Variants in CSMD3 observed in about 807,000 individuals in gnomAD.
CSMD3 encodes CUB and sushi domain-containing protein 3.
CSMD3 carries 177 observed loss-of-function variants against 435.2 expected under a neutral mutation model. The ratio of observed to expected loss-of-function variants is 0.41; its 90% CI spans 0.36 to 0.46. CSMD3 has a LOEUF of 0.46. CSMD3 is among the 20% of genes least tolerant of loss of function. The pLI is 0.34. For missense variants in CSMD3, 4,265 were observed against 4,504.6 expected, an observed-to-expected ratio of 0.95 and a Z score of 1.52; for synonymous variants, 1,656 against 1,520.5, an observed-to-expected ratio of 1.09 and a Z score of -2.07.
At chr8:113,358,060 A>G (rs2132962724) in intron 1 of CSMD3, among the ~76,000 whole-genome samples, 1 of 152,346 alleles carries the variant, frequency 6.6e-6, no homozygotes, top group East Asian at 1.9e-4. Context: ...ATTCCACATA[A>G]AAACATCACA....
chr8:113,311,479 T>C (rs780227332), intron 2 of CSMD3: 1 of 151,996 alleles, frequency 6.6e-6, no homozygotes, highest in African/African-American at 2.4e-5. Flanking sequence ...AAAAATCTAT[T>C]GGAGCTCATG....
rs761314489 is a variant in CSMD3, at chr8:112,632,363, ATGT to A, written c.3715+4451_3715+4453del. 3.3e-5 allele frequency among the ~76,000 whole-genome samples: 5 copies of A among 152,146 alleles called. No individual in the cohort carries two copies. In the South Asian group the frequency reaches 1.0e-3, roughly 32 times the overall value. ...TCATTTGACTCATGATTAAGGCAAG[ATGT>A]TGTTACTTGTCCAAGGTCAAATAAA... On this transcript the variant is annotated intron_variant, in intron 22 of 70. Transcript: ENST00000297405.
intron 13 of CSMD3, among the ~76,000 whole-genome samples, chr8:112,708,748 A>G (rs1037951861): frequency 6.7e-6 from 1 of 149,110 alleles, no homozygotes; most frequent in African/African-American, 2.5e-5. Context: ...AAAAAAATCC[A>G]GGGAACTAAA....
At chr8:113,185,068 T>G (rs1439224355) in intron 3 of CSMD3, among the ~76,000 whole-genome samples, 1 of 151,992 alleles carries the variant, frequency 6.6e-6, no homozygotes, top group Non-Finnish European at 1.5e-5. Flanking sequence ...TTACTTAGGG[T>G]ATGGTTACAT....
At chr8:113,410,815 G>T (rs1009446727) in intron 1 of CSMD3, among the ~76,000 whole-genome samples, 1 of 151,010 alleles carries the variant, frequency 6.6e-6, no homozygotes, top group African/African-American at 2.4e-5. Context: ...CTTAGGTGGA[G>T]GATCGCTTAA....
intron 12 of CSMD3, among the ~76,000 whole-genome samples, chr8:112,814,867 C>T (rs1363854802): frequency 6.6e-6 from 1 of 151,952 alleles, no homozygotes; most frequent in African/African-American, 2.4e-5. Context: ...GACCTATTGC[C>T]TGACTTTCTA....
At chr8:113,354,614 G>A (rs974578745) in intron 1 of CSMD3, among the ~76,000 whole-genome samples, 1 of 152,076 alleles carries the variant, frequency 6.6e-6, no homozygotes, top group African/African-American at 2.4e-5. Flanking sequence ...ACATAACATA[G>A]AAATTTGTTA....
At chr8:112,596,748 AC>A (rs1208009353) in intron 22 of CSMD3, among the ~76,000 whole-genome samples, 1 of 152,176 alleles carries the variant, frequency 6.6e-6, no homozygotes, top group East Asian at 1.9e-4. Flanking sequence ...AAACTGAACA[AC>A]CTGCTCCTGA....
At chr8:112,440,033 T>C (rs1053341583) in intron 32 of CSMD3, among the ~76,000 whole-genome samples, 13 of 152,176 alleles carry the variant, frequency 8.5e-5, no homozygotes, top group African/African-American at 3.1e-4. Context: ...CCCACAGTCT[T>C]AACTCAGTCC....
intron 31 of CSMD3, among the ~76,000 whole-genome samples, chr8:112,476,820 C>T (rs767644951): frequency 1.3e-5 from 2 of 152,174 alleles, no homozygotes; most frequent in Non-Finnish European, 2.9e-5. Context: ...TGTGATTTAT[C>T]AGCTTCTCTA....
intron 9 of CSMD3, among the ~76,000 whole-genome samples, chr8:112,938,237 T>C (rs1442529587): frequency 6.6e-6 from 1 of 152,212 alleles, no homozygotes; most frequent in Non-Finnish European, 1.5e-5. Flanking sequence ...CAGAACTTTA[T>C]TAATGCCCAT....
At chr8:112,919,587 A>AT (rs2082674751) in intron 10 of CSMD3, among the ~76,000 whole-genome samples, 1 of 151,774 alleles carries the variant, frequency 6.6e-6, no homozygotes, top group East Asian at 1.9e-4. Flanking sequence ...TTTCACATCC[A>AT]TTTTTGCTAA....
intron 36 of CSMD3, among the ~76,000 whole-genome samples, chr8:112,384,502 T>C (rs558174614): frequency 1.3e-5 from 2 of 152,334 alleles, no homozygotes; most frequent in South Asian, 4.1e-4. Flanking sequence ...TATTTTGCTA[T>C]TTCTTTATTA....
At chr8:113,284,293 C>T (rs1588440012) in intron 2 of CSMD3, among the ~76,000 whole-genome samples, 1 of 152,082 alleles carries the variant, frequency 6.6e-6, no homozygotes, top group East Asian at 1.9e-4. Flanking sequence ...CAATGTATGT[C>T]ATGGAGGAGT....
intron 16 of CSMD3, among the ~76,000 whole-genome samples, chr8:112,680,768 A>C (rs185634429): frequency 6.0e-4 from 91 of 152,300 alleles, no homozygotes; most frequent in Admixed American, 2.0e-3. Flanking sequence ...TCATCATGAG[A>C]CATTATGAAA....
At chr8:113,176,993 TGTAA>T (rs1427970834) in intron 3 of CSMD3, among the ~76,000 whole-genome samples, 18 of 151,814 alleles carry the variant, frequency 1.2e-4, no homozygotes, top group African/African-American at 3.4e-4. Flanking sequence ...AAATATATGT[TGTAA>T]GTATTTACAG....
At chr8:112,783,283 G>A (rs1357908147) in intron 13 of CSMD3, among the ~76,000 whole-genome samples, 2 of 151,162 alleles carry the variant, frequency 1.3e-5, no homozygotes, top group African/African-American at 2.4e-5. Context: ...TGGGCTATAA[G>A]ATATTATTTC....
intron 56 of CSMD3, among the ~76,000 whole-genome samples, chr8:112,291,135 T>C (rs992668730): frequency 1.3e-5 from 2 of 151,956 alleles, no homozygotes; most frequent in Non-Finnish European, 2.9e-5. Context: ...TCATGTATTC[T>C]GAATCCATGA....
intron 3 of CSMD3, among the ~76,000 whole-genome samples, chr8:113,207,357 C>T (rs542608078): frequency 9.9e-4 from 150 of 150,996 alleles, no homozygotes; most frequent in Non-Finnish European, 1.4e-3. Flanking sequence ...TTTTTTCTCC[C>T]GAAATATAAT....
Sources: gnomAD v4.1 joint callset for allele counts (sites outside exome capture counted in the v4.1 genomes callset) on GRCh38, gnomAD v4.1.1 for gene constraint, MANE v1.5 for transcripts, NCBI Gene and HGNC (gene_info 2026-07-23, HGNC 2026-07-21) for gene names.